Variants in GRK3 observed in about 807,000 individuals in gnomAD.
GRK3 encodes the protein G protein-coupled receptor kinase 3.
In GRK3, 54 loss-of-function variants were observed where a neutral mutation model predicts 95.7. The observed-to-expected ratio is 0.56, with a 90% CI of 0.45 to 0.71. GRK3 has a LOEUF of 0.71. Among genes scored for constraint, GRK3 ranks in the 30% least tolerant of loss-of-function variants. The probability of loss-of-function intolerance (pLI) is 0.00; values close to 1 mark genes in which losing one functional copy is unlikely to be tolerated. For synonymous variants in GRK3, 281 were observed against 290.8 expected (o/e 0.97, Z 0.34); for missense variants, 649 against 851.2 (o/e 0.76, Z 2.96).
intron 1 of GRK3, among the ~76,000 whole-genome samples, chr22:25,571,614 A>G (rs1035525209): frequency 6.6e-6 from 1 of 152,228 alleles, no homozygotes; most frequent in Non-Finnish European, 1.5e-5. Context: ...GTACAACATA[A>G]TAGCGAATAT....
intron 10 of GRK3, 75 bp from the exon 11 acceptor site, chr22:25,687,458 CCTGA>C: frequency 1.3e-6 from 2 of 1,505,596 alleles, no homozygotes. Context: ...TCTGCTGAGT[CCTGA>C]CTATTTAGGA....
chr22:25,682,212 G>A (rs2085080109), intron 9 of GRK3, among the ~76,000 whole-genome samples: 1 of 152,222 alleles, frequency 6.6e-6, no homozygotes, highest in Non-Finnish European at 1.5e-5. Context: ...CTTGTGCAGA[G>A]GTGACCGGAT....
Position 25,616,969 on chromosome 22 carries a change from G to C in GRK3, c.190+12516G>C, listed in dbSNP as rs2084544243. On this transcript the variant is annotated intron_variant, in intron 2 of 20. Transcript: ENST00000324198. Reference sequence around the variant, plus strand: ...AGCATTAAGCTAAGAGCTTTGTCCTGAGGCTGATAGCTTTTTGCTAGATGA... The same window carrying C: ...AGCATTAAGCTAAGAGCTTTGTCCTCAGGCTGATAGCTTTTTGCTAGATGA... Among the ~76,000 whole-genome samples the C allele has an allele frequency of 2.0e-5, 3 of 152,162 alleles. No individual in the cohort carries two copies. The South Asian group carries it at 6.2e-4, about 32-fold the overall frequency.
chr22:25,704,069 C>A, intron 14 of GRK3, 40 bp from the exon 15 acceptor site: 1 of 1,499,888 alleles, frequency 6.7e-7, no homozygotes, highest in South Asian at 1.1e-5. Flanking sequence ...GATGCTGTTT[C>A]ATGAACGGAT....
chr22:25,618,293 G>T (rs1201112113), intron 2 of GRK3, among the ~76,000 whole-genome samples: 1 of 152,200 alleles, frequency 6.6e-6, no homozygotes, highest in Non-Finnish European at 1.5e-5. Flanking sequence ...CACACATTAC[G>T]TTTGCGATGT....
chr22:25,675,708 A>G (rs529206816), intron 8 of GRK3, among the ~76,000 whole-genome samples: 3 of 152,254 alleles, frequency 2.0e-5, no homozygotes, highest in South Asian at 4.2e-4. Flanking sequence ...ACTTCCTGGG[A>G]TTGGGAGCTG....
chr22:25,627,575 A>T (rs1197366015), intron 2 of GRK3, among the ~76,000 whole-genome samples: 1 of 152,334 alleles, frequency 6.6e-6, no homozygotes, highest in East Asian at 1.9e-4. Context: ...CTGTGACTGT[A>T]CCACAACCAT....
At chr22:25,582,403 C>G (rs956129205) in intron 1 of GRK3, among the ~76,000 whole-genome samples, 8 of 152,176 alleles carry the variant, frequency 5.3e-5, no homozygotes, top group Admixed American at 5.2e-4. Context: ...AAATTGAGAG[C>G]TGTAACATAT....
chr22:25,628,875 A>G (rs2084645523), intron 2 of GRK3, among the ~76,000 whole-genome samples: 1 of 152,122 alleles, frequency 6.6e-6, no homozygotes, highest in South Asian at 2.1e-4. Flanking sequence ...GAGAGCTGTC[A>G]CATCGATTTC....
intron 2 of GRK3, among the ~76,000 whole-genome samples, chr22:25,630,493 G>A (rs1166001563): frequency 6.6e-6 from 1 of 152,132 alleles, no homozygotes; most frequent in Non-Finnish European, 1.5e-5. Flanking sequence ...TAGCATGGTG[G>A]CATAGTCAGA....
chr22:25,674,595 A>C, intron 8 of GRK3, 67 bp downstream of exon 8: 1 of 1,177,546 alleles, frequency 8.5e-7, no homozygotes. Context: ...TGAAAAGAAA[A>C]TTCCTATAAA....
intron 19 of GRK3, 68 bp from the exon 20 acceptor site, chr22:25,721,216 G>GT (rs1460634118): frequency 3.8e-6 from 3 of 798,372 alleles, no homozygotes; most frequent in Non-Finnish European, 6.1e-6. Flanking sequence ...TAACTTGGTA[G>GT]TTTTTGGTAT....
At chr22:25,679,348 T>C (rs1306725028) in intron 9 of GRK3, among the ~76,000 whole-genome samples, 4 of 152,216 alleles carry the variant, frequency 2.6e-5, no homozygotes, top group Non-Finnish European at 5.9e-5. Flanking sequence ...CCTTTTGAGA[T>C]TGTCCCTAGT....
At chr22:25,593,432 G>GATT (rs1932568326) in intron 1 of GRK3, among the ~76,000 whole-genome samples, 1 of 151,758 alleles carries the variant, frequency 6.6e-6, no homozygotes, top group Admixed American at 6.6e-5. Flanking sequence ...TGGTGGTTTT[G>GATT]ATTTACGTTT....
At chr22:25,708,057 G>A (rs1265597812) in intron 15 of GRK3, among the ~76,000 whole-genome samples, 1 of 152,072 alleles carries the variant, frequency 6.6e-6, no homozygotes. Flanking sequence ...CCAACATGGT[G>A]AAACCCCATC....
In GRK3 at chr22:25,578,391, A is replaced by G. The variant is rs543511436; in HGVS notation, c.113+13238A>G. Among the ~76,000 whole-genome samples the G allele has an allele frequency of 1.3e-4, 20 of 152,348 alleles. No homozygotes were observed. In the South Asian group the frequency reaches 3.9e-3, roughly 30 times the overall value. ...CACTGGCTAAAAGTGAGACACCCTG[A>G]ACATCAAAAGAATATGACTGATACA... On this transcript the variant is annotated intron_variant, in intron 1 of 20. Transcript: ENST00000324198.
chr22:25,572,648 C>T (rs906955031), intron 1 of GRK3, among the ~76,000 whole-genome samples: 1 of 152,162 alleles, frequency 6.6e-6, no homozygotes, highest in Non-Finnish European at 1.5e-5. Flanking sequence ...ATCTATCCAT[C>T]CCGTAGGCTC....
intron 1 of GRK3, among the ~76,000 whole-genome samples, chr22:25,580,861 A>T (rs1254868578): frequency 6.6e-6 from 1 of 152,194 alleles, no homozygotes; most frequent in Admixed American, 6.5e-5. Context: ...GGAGTGGCTC[A>T]TGCCTGTAAT....
At chr22:25,622,751 C>T (rs532034285) in intron 2 of GRK3, among the ~76,000 whole-genome samples, 26 of 152,152 alleles carry the variant, frequency 1.7e-4, no homozygotes, top group Middle Eastern at 3.4e-3. Flanking sequence ...TTTAGGAAGT[C>T]GCCAAAGGTG....
Sources: allele counts gnomAD v4.1 joint callset (sites outside exome capture counted in the v4.1 genomes callset), GRCh38; gene constraint gnomAD v4.1.1; transcripts MANE v1.5; gene names NCBI Gene and HGNC (gene_info 2026-07-23, HGNC 2026-07-21).